The following LRRC37A2 variants were observed in gnomAD, a reference collection of about 807,000 sequenced individuals.
LRRC37A2 encodes the protein leucine rich repeat containing 37 member A2.
Under a neutral mutation model 68.8 loss-of-function variants are expected in LRRC37A2, and 9 were observed. The observed-to-expected ratio is 0.13, with a 90% confidence interval of 0.08 to 0.23. The LOEUF is 0.23. LRRC37A2 is among the 10% of genes least tolerant of loss of function. The pLI, the probability that LRRC37A2 is intolerant of heterozygous loss-of-function variation, is 1.00. For missense variants in LRRC37A2, 168 were observed against 950.4 expected (o/e 0.18, Z 10.82); for synonymous variants, 63 against 367.6 (o/e 0.17, Z 9.48).
the LRRC37A2 span, among the ~76,000 whole-genome samples, chr17:46,714,658 T>C: frequency 2.0e-5 from 3 of 152,188 alleles, no homozygotes; most frequent in Non-Finnish European, 4.4e-5. Context: ...CAAAAATCAA[T>C]GATGAAGACT....
the LRRC37A2 span, chr17:46,929,883 C>T: frequency 3.2e-6 from 1 of 308,140 alleles, no homozygotes; most frequent in South Asian, 4.8e-5. Context: ...GAGGAATGTA[C>T]TCCATAAAAA....
At chr17:46,899,107 C>T in the LRRC37A2 span, among the ~76,000 whole-genome samples, 154 of 152,210 alleles carry the variant, frequency 1.0e-3, no homozygotes, top group African/African-American at 3.6e-3. Flanking sequence ...TACTGACACA[C>T]GGCTGGGTGC....
the LRRC37A2 span, among the ~76,000 whole-genome samples, chr17:46,840,015 CTTTCTTTCTTTCTTTCT>C: frequency 2.3e-5 from 2 of 86,406 alleles, no homozygotes; most frequent in African/African-American, 4.5e-5. Flanking sequence ...TTCTTTCTTT[CTTTCTTTCTTTCTTTCT>C]TTTCTTTCTT....
At chr17:46,960,863 G>A in the LRRC37A2 span, among the ~76,000 whole-genome samples, 1 of 152,168 alleles carries the variant, frequency 6.6e-6, no homozygotes, top group African/African-American at 2.4e-5. Flanking sequence ...AGAGTTTGTG[G>A]ATTTGGCTAC....
the LRRC37A2 span, chr17:46,713,364 A>T: frequency 6.5e-6 from 1 of 154,044 alleles, no homozygotes; most frequent in Non-Finnish European, 1.4e-5. Context: ...AAATGTAGGT[A>T]AGTTCGTAGA....
the LRRC37A2 span, among the ~76,000 whole-genome samples, chr17:46,707,310 C>T: frequency 6.6e-6 from 1 of 152,128 alleles, no homozygotes; most frequent in African/African-American, 2.4e-5. Context: ...GCCTGTTTTT[C>T]TGTTGTACTG....
chr17:46,815,941 T>G, the LRRC37A2 span, among the ~76,000 whole-genome samples: 25 of 152,198 alleles, frequency 1.6e-4, no homozygotes, highest in Admixed American at 1.5e-3. Flanking sequence ...GCCCAGCACC[T>G]GGGGACAGGA....
At chr17:46,979,815 A>G in the LRRC37A2 span, among the ~76,000 whole-genome samples, 2 of 152,096 alleles carry the variant, frequency 1.3e-5, no homozygotes, top group African/African-American at 2.4e-5. Flanking sequence ...TTACACAAAC[A>G]TAGTCATTGT....
the LRRC37A2 span, among the ~76,000 whole-genome samples, chr17:46,991,009 CA>C: frequency 1.1e-4 from 16 of 152,284 alleles, no homozygotes; most frequent in Non-Finnish European, 2.1e-4. Context: ...TTTGCTCCAG[CA>C]ATTCCACTTC....
the LRRC37A2 span, chr17:46,939,732 G>T: frequency 1.2e-5 from 12 of 987,058 alleles, no homozygotes; most frequent in African/African-American, 1.7e-5. Context: ...CATCTGTAGT[G>T]TGTATGTCCT....
chr17:46,733,007 C>T, the LRRC37A2 span, among the ~76,000 whole-genome samples: 1 of 152,186 alleles, frequency 6.6e-6, no homozygotes, highest in African/African-American at 2.4e-5. Context: ...TAACAATTGG[C>T]TTGGAGGGTA....
At chr17:46,718,551 G>A in the LRRC37A2 span, among the ~76,000 whole-genome samples, 8 of 152,202 alleles carry the variant, frequency 5.3e-5, no homozygotes, top group East Asian at 1.5e-3. Flanking sequence ...TATAAAAACA[G>A]TATTCCATAG....
chr17:46,810,816 C>T, the LRRC37A2 span, among the ~76,000 whole-genome samples: 14 of 152,186 alleles, frequency 9.2e-5, no homozygotes, highest in African/African-American at 3.4e-4. Context: ...CTCCTAGTTA[C>T]TGAGACTCAG....
At chr17:46,868,300 C>A in the LRRC37A2 span, among the ~76,000 whole-genome samples, 1 of 152,146 alleles carries the variant, frequency 6.6e-6, no homozygotes. Flanking sequence ...TCATTAAGAC[C>A]CCCATATTTG....
At chr17:46,725,200 G>T in the LRRC37A2 span, among the ~76,000 whole-genome samples, 1 of 152,194 alleles carries the variant, frequency 6.6e-6, no homozygotes, top group Non-Finnish European at 1.5e-5. Flanking sequence ...ATTGGAACTT[G>T]TGTTGTTTCA....
At chr17:46,558,764 T>C (rs2057432849), downstream of LRRC37A2, 1 of 136,572 alleles carries the variant, frequency 7.3e-6, no homozygotes, top group Non-Finnish European at 1.6e-5. Context: ...TTTAAATGAC[T>C]GATCCTCGAT....
At chr17:46,541,824 TAA>T (rs1282630499) in intron 8 of LRRC37A2, among the ~76,000 whole-genome samples, 1 of 151,116 alleles carries the variant, frequency 6.6e-6, no homozygotes. Context: ...TGTCATTTCA[TAA>T]AAAAGAACTC....
chr17:47,020,781 C>CAAAAAAAAAAATAAA, the LRRC37A2 span, among the ~76,000 whole-genome samples: 1 of 20,118 alleles, frequency 5.0e-5, no homozygotes, highest in East Asian at 9.3e-4. Flanking sequence ...GACTCCATCT[C>CAAAAAAAAAAATAAA]AAAAAAAAAA....
the LRRC37A2 span, among the ~76,000 whole-genome samples, chr17:46,938,214 G>A: frequency 6.6e-6 from 1 of 151,722 alleles, no homozygotes; most frequent in Non-Finnish European, 1.5e-5. Flanking sequence ...AGCTTTAATT[G>A]TGGCTTTAGC....
Sources: allele counts gnomAD v4.1 joint callset (sites outside exome capture counted in the v4.1 genomes callset), GRCh38; gene constraint gnomAD v4.1.1; transcripts MANE v1.5; gene names NCBI Gene and HGNC (gene_info 2026-07-23, HGNC 2026-07-21).